Variants in SLC20A2 observed in about 807,000 individuals in gnomAD.
The protein encoded by SLC20A2 is solute carrier family 20 member 2, also known as sodium-dependent phosphate transporter 2.
A neutral mutation model predicts 61.0 loss-of-function variants in SLC20A2; 30 were observed. That is an observed-to-expected ratio of 0.49 (90% CI 0.37 to 0.67). The LOEUF (loss-of-function observed/expected upper bound fraction) is 0.67. SLC20A2 is among the 30% of genes least tolerant of loss of function. SLC20A2 has a pLI of 0.00. For synonymous variants in SLC20A2, 351 were observed against 353.3 expected (o/e 0.99, Z 0.07); for missense variants, 626 against 866.4 (o/e 0.72, Z 3.48).
At chr8:42,478,833 C>G (rs541000610) in intron 1 of SLC20A2, among the ~76,000 whole-genome samples, 3 of 152,074 alleles carry the variant, frequency 2.0e-5, no homozygotes, top group Non-Finnish European at 4.4e-5. Flanking sequence ...TTGCCCCCCA[C>G]CTCCACCAAG....
intron 1 of SLC20A2, among the ~76,000 whole-genome samples, chr8:42,527,391 AAAG>A (rs1812039111): frequency 1.3e-5 from 2 of 151,976 alleles, no homozygotes; most frequent in African/African-American, 4.8e-5. Flanking sequence ...GAAAAAAAAA[AAAG>A]AAACTAGATG....
intron 10 of SLC20A2, among the ~76,000 whole-genome samples, chr8:42,423,461 G>A (rs914918775): frequency 6.6e-6 from 1 of 151,960 alleles, no homozygotes; most frequent in Non-Finnish European, 1.5e-5. Flanking sequence ...AAAGTGCTGG[G>A]ATTACAGGTG....
chr8:42,461,191 T>C (rs1297919765), intron 4 of SLC20A2, among the ~76,000 whole-genome samples: 1 of 152,162 alleles, frequency 6.6e-6, no homozygotes, highest in East Asian at 1.9e-4. Flanking sequence ...GGCAGCCATG[T>C]GGCAAACACC....
At chr8:42,481,291 G>T (rs918141343) in intron 1 of SLC20A2, among the ~76,000 whole-genome samples, 1 of 152,208 alleles carries the variant, frequency 6.6e-6, no homozygotes, top group Non-Finnish European at 1.5e-5. Flanking sequence ...GTCACTGAAA[G>T]TAGATTTAAA....
chr8:42,424,230 G>A (rs1186164184), intron 10 of SLC20A2, among the ~76,000 whole-genome samples: 3 of 150,764 alleles, frequency 2.0e-5, no homozygotes, highest in East Asian at 3.9e-4. Flanking sequence ...TCACAGAAGG[G>A]AAGAATGATG....
At chr8:42,514,234 A>T (rs955136097) in intron 1 of SLC20A2, among the ~76,000 whole-genome samples, 1 of 152,208 alleles carries the variant, frequency 6.6e-6, no homozygotes. Flanking sequence ...TGTGGGCAAG[A>T]ACCACTCCTG....
Position 42,420,058 on chromosome 8 carries a change from C to T in SLC20A2, c.1795-2091G>A, listed in dbSNP as rs1028048720. ...AAAATTAGCTAGGCGTGGTGGTGCA[C>T]ACCTGTAGTCCCAGCTACTTGGGTG... On this transcript the variant is annotated intron_variant, in intron 10 of 10. Coordinates refer to ENST00000520262, the MANE Select transcript of SLC20A2 (RefSeq NM_001257180.2). Among the ~76,000 whole-genome samples, 2 of 152,138 alleles carry T rather than the reference C, an allele frequency of 1.3e-5. 1 individual carries two copies. The highest frequency in any genetic ancestry group is 4.8e-5 in the African/African-American group (2 of 41,516).
intron 1 of SLC20A2, among the ~76,000 whole-genome samples, chr8:42,493,971 G>A (rs180698745): frequency 1.1e-3 from 168 of 152,242 alleles, no homozygotes; most frequent in Non-Finnish European, 5.0e-4. Flanking sequence ...GCGAGACCCT[G>A]TCTCTATAAA....
chr8:42,459,638 A>G (rs939529438), intron 5 of SLC20A2, among the ~76,000 whole-genome samples: 2 of 152,172 alleles, frequency 1.3e-5, no homozygotes, highest in African/African-American at 4.8e-5. Flanking sequence ...TTCTAACTTG[A>G]AAGTCTGTTG....
intron 1 of SLC20A2, among the ~76,000 whole-genome samples, chr8:42,489,331 C>T (rs550668276): frequency 1.3e-5 from 2 of 152,122 alleles, no homozygotes; most frequent in Non-Finnish European, 2.9e-5. Context: ...TACCTAAACA[C>T]GGTTTTCTTT....
At chr8:42,466,899 G>A (rs895754578) in intron 2 of SLC20A2, among the ~76,000 whole-genome samples, 2 of 152,048 alleles carry the variant, frequency 1.3e-5, no homozygotes, top group Admixed American at 6.5e-5. Flanking sequence ...GGAACTCCTG[G>A]CCTTAAGCAA....
intron 10 of SLC20A2, among the ~76,000 whole-genome samples, chr8:42,418,342 T>G (rs1238600866): frequency 6.6e-6 from 1 of 152,080 alleles, no homozygotes; most frequent in African/African-American, 2.4e-5. Flanking sequence ...AATTTTCATA[T>G]TTTTAGTAGA....
chr8:42,534,546 G>T (rs74900849), intron 1 of SLC20A2: 1 of 152,068 alleles, frequency 6.6e-6, no homozygotes, highest in African/African-American at 2.4e-5. Context: ...AACAGAAATT[G>T]TTCTATTCTT....
At chr8:42,459,151 G>A (rs551018084) in intron 5 of SLC20A2, among the ~76,000 whole-genome samples, 7 of 146,464 alleles carry the variant, frequency 4.8e-5, no homozygotes, top group Admixed American at 2.1e-4. Context: ...CAGGAGAATC[G>A]CTTGAACCTG....
chr8:42,533,848 G>C (rs879602835), intron 1 of SLC20A2, among the ~76,000 whole-genome samples: 2 of 149,836 alleles, frequency 1.3e-5, no homozygotes, highest in African/African-American at 4.9e-5. Flanking sequence ...TAGTGGAGAC[G>C]GGGGTTTCAC....
At chr8:42,541,048 T>C (rs562335107) in intron 1 of SLC20A2, 10 of 152,236 alleles carry the variant, frequency 6.6e-5, no homozygotes, top group African/African-American at 2.4e-4. Flanking sequence ...CACGTGAATA[T>C]GAAAAGGGAC....
chr8:42,421,729 G>A (rs990123890), intron 10 of SLC20A2, among the ~76,000 whole-genome samples: 10 of 152,096 alleles, frequency 6.6e-5, no homozygotes, highest in East Asian at 1.9e-4. Flanking sequence ...GCTTGAACCC[G>A]GGAGGTGGAG....
At chr8:42,436,651 C>A (rs992101094) in intron 8 of SLC20A2, among the ~76,000 whole-genome samples, 5 of 152,308 alleles carry the variant, frequency 3.3e-5, no homozygotes, top group Admixed American at 3.3e-4. Flanking sequence ...CTGGAGAACA[C>A]AGGTGTGTGC....
At chr8:42,452,440 AGAG>A (rs1281740942) in intron 5 of SLC20A2, among the ~76,000 whole-genome samples, 42 of 140,670 alleles carry the variant, frequency 3.0e-4, no homozygotes, top group East Asian at 1.2e-3. Flanking sequence ...GAAGAGATGA[AGAG>A]GAGGAGGAGG....
Sources: gnomAD v4.1 joint callset for allele counts (sites outside exome capture counted in the v4.1 genomes callset) on GRCh38, gnomAD v4.1.1 for gene constraint, MANE v1.5 for transcripts, NCBI Gene and HGNC (gene_info 2026-07-23, HGNC 2026-07-21) for gene names.